SMARCA2: variants seen among roughly 807,000 people sequenced by gnomAD.
SMARCA2 encodes the protein SWI/SNF related BAF chromatin remodeling complex subunit ATPase 2.
SMARCA2 carries 61 observed loss-of-function variants against 199.8 expected under a neutral mutation model. The observed-to-expected ratio is 0.31, with a 90% CI of 0.25 to 0.38. The LOEUF (loss-of-function observed/expected upper bound fraction) is 0.38, where lower values mean the gene tolerates loss of function less well. Among genes scored for constraint, SMARCA2 ranks in the 10% least tolerant of loss-of-function variants. The pLI is 1.00. For synonymous variants in SMARCA2, 935 were observed against 732.0 expected, an observed-to-expected ratio of 1.28 and a Z score of -4.48; for missense variants, 1,344 against 2,012.2, an observed-to-expected ratio of 0.67 and a Z score of 6.35.
rs571988749 is a variant in SMARCA2, at chr9:2,149,975, A to G, written c.3982-11711A>G. On this transcript the variant is annotated intron_variant, in intron 27 of 33. Coordinates refer to ENST00000349721, the MANE Select transcript of SMARCA2 (RefSeq NM_003070.5). ...TCAAGTTGGCTTCTCAAATTTAACT[A>G]GAACCAGACACTCCTCTACTGACAC... Among the ~76,000 whole-genome samples the G allele has an allele frequency of 6.6e-5, 10 of 151,658 alleles. No individual in the cohort carries two copies. In the South Asian group the frequency reaches 2.1e-3, roughly 32 times the overall value.
intron 27 of SMARCA2, among the ~76,000 whole-genome samples, chr9:2,148,410 TCA>T (rs1377406904): frequency 1.3e-5 from 2 of 151,512 alleles, no homozygotes; most frequent in Non-Finnish European, 3.0e-5. Flanking sequence ...TTATTGACTA[TCA>T]GTTGTATACC....
At chr9:2,191,497 G>C (rs969626032) in intron 33 of SMARCA2, 89 bp downstream of exon 33, 4 of 1,395,722 alleles carry the variant, frequency 2.9e-6, no homozygotes, top group African/African-American at 2.9e-5. Context: ...CAGCCTTTTC[G>C]CTTTATTACC....
At chr9:2,156,541 C>T (rs1028222883) in intron 27 of SMARCA2, among the ~76,000 whole-genome samples, 2 of 149,916 alleles carry the variant, frequency 1.3e-5, no homozygotes, top group Non-Finnish European at 2.9e-5. Flanking sequence ...AGCAATTCTC[C>T]TGCCTCAGAC....
chr9:2,186,927 T>G (rs1227056956), intron 32 of SMARCA2, among the ~76,000 whole-genome samples: 2 of 152,218 alleles, frequency 1.3e-5, no homozygotes, highest in Non-Finnish European at 2.9e-5. Context: ...ACCACGGTGG[T>G]TCTCAAACCT....
At chr9:2,187,954 AATTT>A (rs1202451056) in intron 32 of SMARCA2, among the ~76,000 whole-genome samples, 23 of 152,206 alleles carry the variant, frequency 1.5e-4, no homozygotes, top group Admixed American at 2.0e-4. Flanking sequence ...TTTATAAACA[AATTT>A]ATGTGTGGAA....
chr9:2,116,087 T>C, intron 25 of SMARCA2, 38 bp downstream of exon 25: 1 of 1,459,270 alleles, frequency 6.9e-7, no homozygotes, highest in South Asian at 1.2e-5. Context: ...AATCAAACAG[T>C]GGCCTTTTGT....
chr9:2,054,813 T>G, intron 6 of SMARCA2, 90 bp downstream of exon 6: 2 of 1,334,094 alleles, frequency 1.5e-6, no homozygotes, highest in Non-Finnish European at 2.1e-6. Context: ...GTCTATTCAA[T>G]ATTGTTACAA....
chr9:2,040,160 G>T, intron 4 of SMARCA2: 2 of 717,744 alleles, frequency 2.8e-6, no homozygotes, highest in East Asian at 2.7e-5. Flanking sequence ...GTGATTTTGC[G>T]TTCTCTTTGA....
At position 2,115,727 on chromosome 9, in the gene SMARCA2, C is replaced by A; in HGVS notation, c.3457-95C>A. ...ATCTTACCTTAGTGAAGGTGAAATACAGAACCCTTCCATATTTCCCTCTGG... is the reference window on the plus strand; with the variant it reads ...ATCTTACCTTAGTGAAGGTGAAATAAAGAACCCTTCCATATTTCCCTCTGG... On this transcript the variant is annotated intron_variant, in intron 24 of 33. Coordinates refer to ENST00000349721, the MANE Select transcript of SMARCA2 (RefSeq NM_003070.5). This position sits in a 1 kb window ranked among gnomAD's most constrained non-coding sequence, Gnocchi z 6.0. 2 of 927,650 alleles carry A rather than the reference C, an allele frequency of 2.2e-6. No individual in the cohort carries two copies. Among genetic ancestry groups the A allele is most frequent in the Non-Finnish European group, 3.4e-6 (2 of 596,094 alleles). 57.5% of individuals were successfully genotyped at this position (927,650 alleles called of 1,614,324 possible). A position where few individuals can be genotyped will look rare whatever the true frequency, so the allele number is the denominator to read the frequency against.
chr9:2,097,514 T>C, intron 21 of SMARCA2, 43 bp downstream of exon 21: 1 of 1,111,290 alleles, frequency 9.0e-7, no homozygotes, highest in Non-Finnish European at 1.3e-6. Context: ...GTGCTAATCA[T>C]ACTAATGCTA....
At chr9:2,171,720 C>T (rs191795198) in intron 29 of SMARCA2, among the ~76,000 whole-genome samples, 2 of 152,332 alleles carry the variant, frequency 1.3e-5, no homozygotes, top group Admixed American at 1.3e-4. Context: ...AATCAACCAA[C>T]TTGGGTAAAT....
At chr9:2,071,576 A>G (rs1821089170) in intron 10 of SMARCA2, among the ~76,000 whole-genome samples, 1 of 152,174 alleles carries the variant, frequency 6.6e-6, no homozygotes, top group Non-Finnish European at 1.5e-5. Flanking sequence ...TGGACTTGTG[A>G]CATACATCTT....
Position 2,182,073 on chromosome 9 carries a change from A to C in SMARCA2, c.4360-68A>C, listed in dbSNP as rs1407146488. 3 of 1,021,686 alleles carry C rather than the reference A, an allele frequency of 2.9e-6. No individual in the cohort carries two copies. In the East Asian group the frequency reaches 7.1e-5, roughly 24 times the overall value. 63.3% of individuals were successfully genotyped at this position (1,021,686 alleles called of 1,614,324 possible). A position where few individuals can be genotyped will look rare whatever the true frequency, so the allele number is the denominator to read the frequency against. ...ACAAAGGGAAAATCAGGCTTTGTTA[A>C]CTAAGTAATGATCGCTGAATTTTCC... On this transcript the variant is annotated intron_variant, in intron 30 of 33. Transcript: ENST00000349721.
chr9:2,048,203 C>G (rs1323469827), intron 5 of SMARCA2, among the ~76,000 whole-genome samples: 2 of 152,098 alleles, frequency 1.3e-5, no homozygotes, highest in South Asian at 2.1e-4. Flanking sequence ...GCTGTGTTTA[C>G]GAGACCCCTG....
At chr9:2,137,236 C>G (rs1165739554) in intron 27 of SMARCA2, among the ~76,000 whole-genome samples, 1 of 152,202 alleles carries the variant, frequency 6.6e-6, no homozygotes, top group African/African-American at 2.4e-5. Flanking sequence ...TACCTTTCCT[C>G]CTTGTTCACA....
At chr9:2,073,405 C>T (rs538323595) in intron 11 of SMARCA2, 63 bp downstream of exon 11, 1,351 of 1,596,510 alleles carry the variant, frequency 8.5e-4, no homozygotes, top group Non-Finnish European at 1.0e-3. Context: ...TAATCTTGTA[C>T]GATCTCGAAA....
At chr9:2,097,961 T>G (rs1001803271) in intron 21 of SMARCA2, among the ~76,000 whole-genome samples, 1 of 152,280 alleles carries the variant, frequency 6.6e-6, no homozygotes, top group Non-Finnish European at 1.5e-5. Flanking sequence ...TTTCCTTTCT[T>G]GTTTCTGTCA....
Position 2,063,476 on chromosome 9 carries a change from C to A in SMARCA2, c.1692+2490C>A, listed in dbSNP as rs117809634. Reference sequence around the variant, plus strand: ...AAAATCTCTGCTATCCTTTTTAGCACTTTTCCATAGTATTAAGTATTATGC... The same window carrying A: ...AAAATCTCTGCTATCCTTTTTAGCAATTTTCCATAGTATTAAGTATTATGC... On this transcript the variant is annotated intron_variant, in intron 9 of 33. Coordinates refer to ENST00000349721, the MANE Select transcript of SMARCA2 (RefSeq NM_003070.5). 5.9e-5 allele frequency among the ~76,000 whole-genome samples: 9 copies of A among 152,256 alleles called. No homozygotes were observed. In the East Asian group the frequency reaches 1.7e-3, roughly 29 times the overall value.
chr9:2,054,603 G>T lies in SMARCA2; in HGVS notation c.1053G>T (p.Gln351His), dbSNP rs1279471313. The change falls in exon 6 of 34, where the codon CAG becomes CAT. Residue 351 changes from glutamine to histidine, a missense_variant. By Grantham distance (24) the Gln-to-His change is conservative. Around this residue, in one of 18 missense-constraint regions of SMARCA2, gnomAD observed 155 missense variants for 260.0 expected, o/e 0.60. Coordinates refer to ENST00000349721, the MANE Select transcript of SMARCA2 (RefSeq NM_003070.5). ...EILQEREYRL[Q>H]ARIAHRIQEL... ...ATTTTATTGTTTCCTTTAGACTTCA[G>T]GCCCGCATAGCTCATAGGATACAAG... 1 of 1,613,688 alleles carries T rather than the reference G, an allele frequency of 6.2e-7. No homozygotes were observed. Among genetic ancestry groups the T allele is most frequent in the Admixed American group, 1.7e-5 (1 of 59,968 alleles).
Sources: gnomAD v4.1 joint callset for allele counts (sites outside exome capture counted in the v4.1 genomes callset) on GRCh38, gnomAD v4.1.1 for gene constraint, gnomAD v4.1.1 regional missense constraint, Gnocchi (gnomAD v3.1) non-coding constraint, MANE v1.5 for transcripts, NCBI Gene and HGNC (gene_info 2026-07-23, HGNC 2026-07-21) for gene names.